Variants in GRIN2A observed in about 807,000 individuals in gnomAD.
GRIN2A encodes the protein glutamate ionotropic receptor NMDA type subunit 2A, also known as glutamate receptor ionotropic, NMDA 2A.
GRIN2A carries 22 observed loss-of-function variants against 113.4 expected under a neutral mutation model. That is an observed-to-expected ratio of 0.19 (90% confidence interval 0.14 to 0.28). The LOEUF (loss-of-function observed/expected upper bound fraction) is 0.28, where lower values mean the gene tolerates loss of function less well. GRIN2A is among the 10% of genes least tolerant of loss of function. The probability of loss-of-function intolerance (pLI) is 1.00; values close to 1 mark genes in which losing one functional copy is unlikely to be tolerated. For synonymous variants in GRIN2A, 827 were observed against 738.4 expected (o/e 1.12, Z -1.94); for missense variants, 1,502 against 1,887.0 (o/e 0.80, Z 3.78).
intron 7 of GRIN2A, among the ~76,000 whole-genome samples, chr16:9,839,856 G>A (rs2042642829): frequency 6.6e-6 from 1 of 152,108 alleles, no homozygotes; most frequent in African/African-American, 2.4e-5. Context: ...GAGTGAATTA[G>A]GATGTATTAG....
At chr16:9,871,658 T>C (rs950541478) in intron 4 of GRIN2A, among the ~76,000 whole-genome samples, 2 of 152,226 alleles carry the variant, frequency 1.3e-5, no homozygotes, top group African/African-American at 4.8e-5. Context: ...TCTCTGGTCC[T>C]CATTTTTCTC....
intron 2 of GRIN2A, among the ~76,000 whole-genome samples, chr16:10,105,671 T>A (rs1169214479): frequency 6.6e-6 from 1 of 151,936 alleles, no homozygotes; most frequent in Non-Finnish European, 1.5e-5. Context: ...GGAGGCTGAG[T>A]TGAGGTGGGC....
intron 2 of GRIN2A, among the ~76,000 whole-genome samples, chr16:9,983,154 T>C (rs574660450): frequency 4.1e-4 from 63 of 152,318 alleles, no homozygotes; most frequent in African/African-American, 1.5e-3. Context: ...TATTTAAAAA[T>C]ACACAATATA....
At chr16:10,155,822 T>A (rs1350150189) in intron 2 of GRIN2A, among the ~76,000 whole-genome samples, 10 of 152,156 alleles carry the variant, frequency 6.6e-5, no homozygotes, top group Admixed American at 5.9e-4. Flanking sequence ...TGAGACTTAT[T>A]CACTATCACG....
intron 2 of GRIN2A, among the ~76,000 whole-genome samples, chr16:10,075,042 T>C (rs79479110): frequency 0.015 from 2,211 of 152,174 alleles, 28 homozygotes; most frequent in South Asian, 0.068. Flanking sequence ...GACAGCCCAG[T>C]GTAGGCATTG....
intron 2 of GRIN2A, among the ~76,000 whole-genome samples, chr16:9,951,028 G>C (rs1453703853): frequency 6.6e-6 from 1 of 152,142 alleles, no homozygotes; most frequent in Middle Eastern, 3.4e-3. Flanking sequence ...CACTGACAAC[G>C]TGCACCTCCC....
At chr16:10,107,320 C>T (rs898963562) in intron 2 of GRIN2A, among the ~76,000 whole-genome samples, 1 of 152,152 alleles carries the variant, frequency 6.6e-6, no homozygotes, top group African/African-American at 2.4e-5. Flanking sequence ...TCTGTCTCCC[C>T]CAAAGGAAAC....
At chr16:10,129,139 G>A (rs966194951) in intron 2 of GRIN2A, among the ~76,000 whole-genome samples, 4 of 151,780 alleles carry the variant, frequency 2.6e-5, no homozygotes, top group Admixed American at 6.6e-5. Context: ...GCAGTGGCAC[G>A]ATCAGAGCTC....
intron 10 of GRIN2A, among the ~76,000 whole-genome samples, chr16:9,806,301 C>T (rs1389512470): frequency 6.6e-6 from 1 of 152,170 alleles, no homozygotes; most frequent in East Asian, 1.9e-4. Context: ...GTCCATTTCT[C>T]CTGGGTCAAA....
At chr16:9,992,255 A>G (rs2046130796) in intron 2 of GRIN2A, among the ~76,000 whole-genome samples, 1 of 152,130 alleles carries the variant, frequency 6.6e-6, no homozygotes, top group South Asian at 2.1e-4. Flanking sequence ...GGTTCTTAAT[A>G]AGAAGCCTTC....
intron 4 of GRIN2A, among the ~76,000 whole-genome samples, chr16:9,870,857 C>T (rs1023451325): frequency 2.0e-5 from 3 of 152,016 alleles, no homozygotes; most frequent in South Asian, 2.1e-4. Context: ...AGGTTGGTCT[C>T]GAACTCCTGA....
chr16:10,082,149 C>T (rs2142058837), intron 2 of GRIN2A, among the ~76,000 whole-genome samples: 1 of 152,242 alleles, frequency 6.6e-6, no homozygotes, highest in Non-Finnish European at 1.5e-5. Context: ...TTTGGAGCCT[C>T]CAAAACATTG....
In GRIN2A at chr16:9,760,374, A is replaced by ATTTTTTGTTTTTT. The variant is rs1900528769; in HGVS notation, c.*2774_*2775insAAAAAACAAAAAA. The ATTTTTTGTTTTTT allele has an allele frequency of 1.1e-5, 1 of 89,550 alleles. No individual in the cohort carries two copies. The highest frequency in any genetic ancestry group is 1.9e-5 in the Non-Finnish European group (1 of 51,648). The allele number at this position is 89,550 out of a possible 1,614,324, so 5.5% of individuals were successfully genotyped here. On this transcript the variant is annotated 3_prime_UTR_variant, in exon 13 of 13. Transcript: ENST00000330684. ...AAATTGACCATCTGATCAGTAGTTG[A>ATTTTTTGTTTTTT]TTTTTTTTTTTTTTTTTTTTTTTTG...
At chr16:10,044,005 G>GTATACA (rs749614491) in intron 2 of GRIN2A, among the ~76,000 whole-genome samples, 6 of 100,296 alleles carry the variant, frequency 6.0e-5, no homozygotes, top group African/African-American at 2.4e-4. Flanking sequence ...GTGTGTGTGT[G>GTATACA]TGTATATATA....
chr16:10,002,043 C>T (rs930066038), intron 2 of GRIN2A, among the ~76,000 whole-genome samples: 1 of 152,180 alleles, frequency 6.6e-6, no homozygotes, highest in African/African-American at 2.4e-5. Flanking sequence ...TCATTATTAT[C>T]AGCACCATTA....
At chr16:10,061,741 G>A (rs1013911199) in intron 2 of GRIN2A, among the ~76,000 whole-genome samples, 1 of 152,140 alleles carries the variant, frequency 6.6e-6, no homozygotes, top group African/African-American at 2.4e-5. Flanking sequence ...AGAACATGTT[G>A]GAAAGTGGCT....
intron 2 of GRIN2A, among the ~76,000 whole-genome samples, chr16:10,068,569 G>A (rs2047692394): frequency 1.3e-5 from 2 of 152,178 alleles, no homozygotes; most frequent in South Asian, 4.1e-4. Context: ...CATTCACAAG[G>A]GATCCACCTC....
intron 2 of GRIN2A, among the ~76,000 whole-genome samples, chr16:10,009,865 A>G (rs2046473214): frequency 6.6e-6 from 1 of 152,232 alleles, no homozygotes; most frequent in Non-Finnish European, 1.5e-5. Context: ...GAGACAAACC[A>G]GACAGAAAGA....
At chr16:10,058,585 A>G (rs1269065067) in intron 2 of GRIN2A, among the ~76,000 whole-genome samples, 1 of 152,270 alleles carries the variant, frequency 6.6e-6, no homozygotes, top group Non-Finnish European at 1.5e-5. Context: ...ATTTCTTGCT[A>G]CAATTCAAAA....
Sources: allele counts gnomAD v4.1 joint callset (sites outside exome capture counted in the v4.1 genomes callset), GRCh38; gene constraint gnomAD v4.1.1; transcripts MANE v1.5; gene names NCBI Gene and HGNC (gene_info 2026-07-23, HGNC 2026-07-21).